Variants in PCDHGB5 observed in about 807,000 individuals in gnomAD.
The protein encoded by PCDHGB5 is protocadherin gamma-B5.
Under a neutral mutation model 62.9 loss-of-function variants are expected in PCDHGB5, and 48 were observed. The ratio of observed to expected loss-of-function variants is 0.76; its 90% CI spans 0.61 to 0.97. The LOEUF (loss-of-function observed/expected upper bound fraction) is 0.97. PCDHGB5 is among the 50% of genes least tolerant of loss of function. The pLI is 0.00. For synonymous variants in PCDHGB5, 474 were observed against 511.2 expected (o/e 0.93, Z 0.98); for missense variants, 1,118 against 1,198.6 (o/e 0.93, Z 0.99).
intron 1 of PCDHGB5, among the ~76,000 whole-genome samples, chr5:141,445,787 T>C (rs2098477657): frequency 1.3e-5 from 2 of 152,182 alleles, no homozygotes; most frequent in South Asian, 4.1e-4. Context: ...CTAGGGAGGC[T>C]AGAAACAGAA....
In PCDHGB5 at chr5:141,477,595, T is replaced by C. The variant is rs1289890776; in HGVS notation, c.2398-17212T>C. The C allele has an allele frequency of 6.2e-7, 1 of 1,614,176 alleles. No individual in the cohort carries two copies. Among genetic ancestry groups the C allele is most frequent in the Non-Finnish European group, 8.5e-7 (1 of 1,180,032 alleles). ...ACGCCCCGCAGAATGCTCGGCTTTC[T>C]TTCTTTCTCTTGGAGCAAGGAGCTG... On this transcript the variant is annotated intron_variant, in intron 1 of 3. Coordinates refer to ENST00000617380, the MANE Select transcript of PCDHGB5 (RefSeq NM_018925.3). This position sits in a 1 kb window ranked among gnomAD's most constrained non-coding sequence, Gnocchi z 4.9.
chr5:141,423,923 G>A (rs2096790975), intron 1 of PCDHGB5: 2 of 1,254,626 alleles, frequency 1.6e-6, no homozygotes, highest in African/African-American at 1.6e-5. Flanking sequence ...CAACTATGCT[G>A]GTTTGGTTTG....
At chr5:141,430,220 G>A (rs1216694883) in intron 1 of PCDHGB5, among the ~76,000 whole-genome samples, 1 of 148,674 alleles carries the variant, frequency 6.7e-6, no homozygotes, top group Non-Finnish European at 1.5e-5. Flanking sequence ...TATATTATAT[G>A]ATTTGTCAAA....
intron 1 of PCDHGB5, chr5:141,413,362 C>G: frequency 1.2e-6 from 2 of 1,613,988 alleles, no homozygotes; most frequent in South Asian, 1.1e-5. Context: ...GCCCCGGGAG[C>G]TGGCGGAGCG....
At chr5:141,405,301 G>C (rs369812265) in intron 1 of PCDHGB5, 2 of 1,614,082 alleles carry the variant, frequency 1.2e-6, no homozygotes, top group African/African-American at 2.7e-5. Context: ...TCAGCCAGCA[G>C]AGCTGTGAGA....
chr5:141,488,437 C>A (rs1327345486), intron 1 of PCDHGB5, among the ~76,000 whole-genome samples: 2 of 152,210 alleles, frequency 1.3e-5, no homozygotes, highest in Non-Finnish European at 2.9e-5. Context: ...CCTCTGACCA[C>A]CCTCCTGGGT....
chr5:141,428,037 C>T, intron 1 of PCDHGB5: 1 of 1,608,458 alleles, frequency 6.2e-7, no homozygotes, highest in South Asian at 1.1e-5. Context: ...GTCCGGCTAC[C>T]TGGTGACCAA....
chr5:141,501,288 T>TACAC (rs1562199973), intron 2 of PCDHGB5, among the ~76,000 whole-genome samples: 2 of 81,228 alleles, frequency 2.5e-5, no homozygotes, highest in Admixed American at 1.6e-4. Flanking sequence ...GATATTCCCT[T>TACAC]ATACACACAC....
chr5:141,505,681 G>A (rs113733387), intron 3 of PCDHGB5, among the ~76,000 whole-genome samples, 200 bp downstream of exon 3: 92 of 152,324 alleles, frequency 6.0e-4, no homozygotes, highest in African/African-American at 2.1e-3. Flanking sequence ...GGGGTCCTGG[G>A]ATGCCTGGAG....
chr5:141,459,795 C>T (rs1394778891), intron 1 of PCDHGB5, among the ~76,000 whole-genome samples: 1 of 152,190 alleles, frequency 6.6e-6, no homozygotes, highest in Non-Finnish European at 1.5e-5. Flanking sequence ...AACTGTTTTT[C>T]CCTGTTGACT....
chr5:141,478,307 G>T, intron 1 of PCDHGB5: 3 of 1,614,056 alleles, frequency 1.9e-6, no homozygotes, highest in Non-Finnish European at 2.5e-6. Context: ...CCGAGCCCCG[G>T]TGAGCTCACT....
At chr5:141,427,584 A>G in intron 1 of PCDHGB5, 1 of 674,672 alleles carries the variant, frequency 1.5e-6, no homozygotes, top group Non-Finnish European at 2.7e-6. Context: ...CTCATCCAGC[A>G]CAAGCCTCAC....
Position 141,487,925 on chromosome 5 carries a change from C to T in PCDHGB5, c.2398-6882C>T. 4.8e-6 allele frequency: 3 copies of T among 629,734 alleles called. No homozygotes were observed. The highest frequency in any genetic ancestry group is 8.3e-6 in the Non-Finnish European group (3 of 362,440). 39.0% of individuals were successfully genotyped at this position (629,734 alleles called of 1,614,324 possible). On this transcript the variant is annotated intron_variant, in intron 1 of 3. Coordinates refer to ENST00000617380, the MANE Select transcript of PCDHGB5 (RefSeq NM_018925.3). The surrounding 1 kb of genome is among the most constrained non-coding windows in gnomAD (Gnocchi z 5.0). ...TGTGGGAGCACAGGAGGCTACAGTGCACAGGGTACAGTGCACCAGGCAGTC... is the reference window on the plus strand; with the variant it reads ...TGTGGGAGCACAGGAGGCTACAGTGTACAGGGTACAGTGCACCAGGCAGTC...
chr5:141,450,085 C>T (rs997781052), intron 1 of PCDHGB5, among the ~76,000 whole-genome samples: 3 of 149,208 alleles, frequency 2.0e-5, no homozygotes, highest in Non-Finnish European at 4.4e-5. Context: ...TGGCTCACTG[C>T]AACCTCCGCC....
intron 1 of PCDHGB5, among the ~76,000 whole-genome samples, chr5:141,481,820 C>T (rs2099545799): frequency 6.6e-6 from 1 of 150,726 alleles, no homozygotes; most frequent in Non-Finnish European, 1.5e-5. Context: ...GGCGTGGTGG[C>T]TGAGGCAGGA....
At chr5:141,426,655 A>C (rs2096950037) in intron 1 of PCDHGB5, 1 of 424,748 alleles carries the variant, frequency 2.4e-6, no homozygotes, top group Non-Finnish European at 4.8e-6. Flanking sequence ...ATGATAGAAG[A>C]TATAAATGAT....
At position 141,491,466 on chromosome 5, in the gene PCDHGB5, T is replaced by C; in HGVS notation, c.2398-3341T>C. The C allele has an allele frequency of 6.2e-7, 1 of 1,614,068 alleles. No homozygotes were observed. The highest frequency in any genetic ancestry group is 8.5e-7 in the Non-Finnish European group (1 of 1,179,986). ...AGGACTCACCCTCCCCGGACTTCTA[T>C]AAGCAGTCCAGCCCCAACCTGCAGG... On this transcript the variant is annotated intron_variant, in intron 1 of 3. Transcript: ENST00000617380. The surrounding 1 kb of genome is among the most constrained non-coding windows in gnomAD (Gnocchi z 6.9).
At position 141,487,505 on chromosome 5, in the gene PCDHGB5, G is replaced by GTA; in HGVS notation, c.2398-7302_2398-7301insTA. The GTA allele has an allele frequency of 1.2e-6, 2 of 1,614,200 alleles. No homozygotes were observed. The highest frequency in any genetic ancestry group is 1.7e-6 in the Non-Finnish European group (2 of 1,180,032). ...TCATGGCTGTACACCCTTGGCTTCTGCACCCACTCGGAGTGATAGCTTCAT... is the reference window on the plus strand; with the variant it reads ...TCATGGCTGTACACCCTTGGCTTCTGTACACCCACTCGGAGTGATAGCTTCAT... On this transcript the variant is annotated intron_variant, in intron 1 of 3. Coordinates refer to ENST00000617380, the MANE Select transcript of PCDHGB5 (RefSeq NM_018925.3). This position sits in a 1 kb window ranked among gnomAD's most constrained non-coding sequence, Gnocchi z 5.0.
chr5:141,489,425 G>T lies in PCDHGB5; in HGVS notation c.2398-5382G>T, dbSNP rs779739693. 6.2e-7 allele frequency: 1 copy of T among 1,614,118 alleles called. No homozygotes were observed. The highest frequency in any genetic ancestry group is 8.5e-7 in the Non-Finnish European group (1 of 1,180,030). The stretch of plus-strand genomic sequence containing the variant: ...TTAAAGATGACAGATCTGTTGAGCC[G>T]GCGGCTGCAATTGGGCTCTGAGGAG... On this transcript the variant is annotated intron_variant, in intron 1 of 3. Transcript: ENST00000617380. This position sits in a 1 kb window ranked among gnomAD's most constrained non-coding sequence, Gnocchi z 4.5.
Sources: gnomAD v4.1 joint callset for allele counts (sites outside exome capture counted in the v4.1 genomes callset) on GRCh38, gnomAD v4.1.1 for gene constraint, Gnocchi (gnomAD v3.1) non-coding constraint, MANE v1.5 for transcripts, NCBI Gene and HGNC (gene_info 2026-07-23, HGNC 2026-07-21) for gene names.